The following BRINP2 variants were observed in gnomAD, a reference collection of about 807,000 sequenced individuals.
The protein encoded by BRINP2 is BMP/retinoic acid-inducible neural-specific protein 2.
In BRINP2, 21 loss-of-function variants were observed where a neutral mutation model predicts 69.2. The ratio of observed to expected loss-of-function variants is 0.30; its 90% CI spans 0.22 to 0.44. BRINP2 has a LOEUF of 0.44. BRINP2 is among the 20% of genes least tolerant of loss of function. BRINP2 has a pLI of 1.00. For missense variants in BRINP2, 877 were observed against 986.0 expected (o/e 0.89, Z 1.48); for synonymous variants, 380 against 394.1 (o/e 0.96, Z 0.42).
At chr1:177,228,300 A>G (rs1417199883) in intron 1 of BRINP2, among the ~76,000 whole-genome samples, 1 of 152,184 alleles carries the variant, frequency 6.6e-6, no homozygotes, top group Non-Finnish European at 1.5e-5. Flanking sequence ...AGCATCCTGT[A>G]TGAATGGTGA....
Position 177,229,872 on chromosome 1 carries a change from G to C in BRINP2, c.-5G>C. 1 of 1,573,718 alleles carries C rather than the reference G, an allele frequency of 6.4e-7. No individual in the cohort carries two copies. Among genetic ancestry groups the C allele is most frequent in the Non-Finnish European group, 8.7e-7 (1 of 1,154,554 alleles). ...GAATGAAGAAACCAATCGCCCGGGAGAAGCATGAGGTGGCAGTGTGGCACT... is the reference window on the plus strand; with the variant it reads ...GAATGAAGAAACCAATCGCCCGGGACAAGCATGAGGTGGCAGTGTGGCACT... On this transcript the variant is annotated 5_prime_UTR_variant, in exon 2 of 8. Coordinates refer to ENST00000361539, the MANE Select transcript of BRINP2 (RefSeq NM_021165.4).
At chr1:177,213,579 T>A (rs1284798154) in intron 1 of BRINP2, among the ~76,000 whole-genome samples, 1 of 152,350 alleles carries the variant, frequency 6.6e-6, no homozygotes, top group East Asian at 1.9e-4. Flanking sequence ...TGAAAACCAC[T>A]GATGCAATTC....
Position 177,223,184 on chromosome 1 carries a change from C to T in BRINP2, c.-76-6617C>T, listed in dbSNP as rs1437714375. Among the ~76,000 whole-genome samples, 8 of 152,198 alleles carry T rather than the reference C, an allele frequency of 5.3e-5. No homozygotes were observed. The South Asian group carries it at 8.3e-4, about 16-fold the overall frequency. On this transcript the variant is annotated intron_variant, in intron 1 of 7. Coordinates refer to ENST00000361539, the MANE Select transcript of BRINP2 (RefSeq NM_021165.4). ...CACCAAGGAAAGCACCAAGGACACCCGGCAGGCAAGTATGAAGCCTCAGCA... is the reference window on the plus strand; with the variant it reads ...CACCAAGGAAAGCACCAAGGACACCTGGCAGGCAAGTATGAAGCCTCAGCA...
chr1:177,245,547 C>T (rs1391122121), intron 2 of BRINP2, among the ~76,000 whole-genome samples: 2 of 152,196 alleles, frequency 1.3e-5, no homozygotes, highest in Non-Finnish European at 2.9e-5. Context: ...GCATGGGCCA[C>T]TTGCTGAGCA....
At chr1:177,264,659 C>T (rs1266994423) in intron 4 of BRINP2, among the ~76,000 whole-genome samples, 4 of 152,138 alleles carry the variant, frequency 2.6e-5, no homozygotes, top group African/African-American at 9.7e-5. Context: ...TCCTATACAC[C>T]AATAATAGAC....
chr1:177,230,642 C>T (rs1242257060), intron 2 of BRINP2, among the ~76,000 whole-genome samples: 1 of 152,218 alleles, frequency 6.6e-6, no homozygotes, highest in Non-Finnish European at 1.5e-5. Context: ...TTGTCAACAC[C>T]CCAGGCTCCG....
intron 1 of BRINP2, among the ~76,000 whole-genome samples, chr1:177,224,500 C>T (rs905721610): frequency 6.6e-6 from 1 of 152,084 alleles, no homozygotes; most frequent in Non-Finnish European, 1.5e-5. Context: ...GATCACCTGA[C>T]CTCATAAATC....
At chr1:177,192,588 G>A (rs2102297650) in intron 1 of BRINP2, among the ~76,000 whole-genome samples, 1 of 152,220 alleles carries the variant, frequency 6.6e-6, no homozygotes, top group South Asian at 2.1e-4. Flanking sequence ...GTCTTATTAA[G>A]AACATCACTC....
Position 177,273,498 on chromosome 1 carries a change from C to T in BRINP2, c.680C>T (p.Thr227Ile). Residue 227 changes from threonine to isoleucine, a missense_variant, in exon 5 of 8, where the codon ACC becomes ATC. Physicochemically the swap from Thr to Ile is moderately conservative, Grantham distance 89. Transcript: ENST00000361539. Reference protein sequence around the residue: ...IATGAIKVTETRTGPLGCSNY... With the variant: ...IATGAIKVTEIRTGPLGCSNY... Reference sequence around the variant, plus strand: ...TCCTTCCTTCTCTAGGTCACCGAGACCAGGACCGGTCCTCTGGGCTGCAGC... The same window carrying T: ...TCCTTCCTTCTCTAGGTCACCGAGATCAGGACCGGTCCTCTGGGCTGCAGC... The T allele has an allele frequency of 6.2e-7, 1 of 1,610,628 alleles. No homozygotes were observed. Among genetic ancestry groups the T allele is most frequent in the Non-Finnish European group, 8.5e-7 (1 of 1,178,210 alleles).
chr1:177,258,318 T>C (rs894780393), intron 4 of BRINP2, among the ~76,000 whole-genome samples: 2 of 152,256 alleles, frequency 1.3e-5, no homozygotes, highest in African/African-American at 2.4e-5. Context: ...CCTGCTTTTA[T>C]CCCATGTGAA....
intron 4 of BRINP2, among the ~76,000 whole-genome samples, chr1:177,270,574 G>A (rs965817221): frequency 1.3e-5 from 2 of 152,092 alleles, no homozygotes; most frequent in African/African-American, 4.8e-5. Context: ...AGCTCCTATT[G>A]TGGCTATTCT....
At chr1:177,184,766 C>T (rs2102292003) in intron 1 of BRINP2, among the ~76,000 whole-genome samples, 1 of 151,608 alleles carries the variant, frequency 6.6e-6, no homozygotes, top group South Asian at 2.1e-4. Context: ...CATCGTCTAC[C>T]CCACCACACC....
At chr1:177,188,802 G>A (rs555922407) in intron 1 of BRINP2, among the ~76,000 whole-genome samples, 1 of 139,524 alleles carries the variant, frequency 7.2e-6, no homozygotes, top group African/African-American at 2.9e-5. Context: ...CGTAGGTTAA[G>A]AATTCAGTAA....
At chr1:177,185,472 C>G (rs1648399158) in intron 1 of BRINP2, among the ~76,000 whole-genome samples, 1 of 152,128 alleles carries the variant, frequency 6.6e-6, no homozygotes, top group Admixed American at 6.5e-5. Context: ...ATTAAATTTC[C>G]AAAGGAGAGA....
intron 2 of BRINP2, among the ~76,000 whole-genome samples, chr1:177,240,054 A>G (rs1650146616): frequency 6.6e-6 from 1 of 152,168 alleles, no homozygotes; most frequent in Non-Finnish European, 1.5e-5. Flanking sequence ...ATGGGATAAA[A>G]ACGAGGTAGC....
chr1:177,206,706 G>C (rs1022516490), intron 1 of BRINP2, among the ~76,000 whole-genome samples: 8 of 152,146 alleles, frequency 5.3e-5, no homozygotes, highest in African/African-American at 1.9e-4. Flanking sequence ...GGAGTCCCCA[G>C]ATGTTAGTAG....
chr1:177,190,514 A>G (rs920295972), intron 1 of BRINP2, among the ~76,000 whole-genome samples: 26 of 152,122 alleles, frequency 1.7e-4, no homozygotes. Context: ...AACAGCCCAC[A>G]TACCATCTGT....
At chr1:177,172,681 A>C (rs892807730) in intron 1 of BRINP2, among the ~76,000 whole-genome samples, 4 of 152,290 alleles carry the variant, frequency 2.6e-5, no homozygotes, top group Non-Finnish European at 4.4e-5. Flanking sequence ...CCAAATGTTA[A>C]CCAATGTTCA....
At chr1:177,273,813 T>C (rs1421744125) in intron 5 of BRINP2, among the ~76,000 whole-genome samples, 1 of 152,204 alleles carries the variant, frequency 6.6e-6, no homozygotes, top group Non-Finnish European at 1.5e-5. Context: ...CCATTGCTTA[T>C]ATCACATGAC....
Sources: allele counts gnomAD v4.1 joint callset (sites outside exome capture counted in the v4.1 genomes callset), GRCh38; gene constraint gnomAD v4.1.1; transcripts MANE v1.5; gene names NCBI Gene and HGNC (gene_info 2026-07-23, HGNC 2026-07-21).